The following ELFN2 variants were observed in gnomAD, a reference collection of about 807,000 sequenced individuals.
The protein encoded by ELFN2 is extracellular leucine rich repeat and fibronectin type III domain containing 2, also known as protein phosphatase 1 regulatory subunit 29.
ELFN2 carries 17 observed loss-of-function variants against 45.5 expected under a neutral mutation model. That is an observed-to-expected ratio of 0.37 (90% CI 0.26 to 0.56). The LOEUF (loss-of-function observed/expected upper bound fraction) is 0.56. Ranked by LOEUF, ELFN2 falls within the 20% of genes least tolerant of loss-of-function variation. ELFN2 has a pLI of 0.77. For missense variants in ELFN2, 922 were observed against 1,183.2 expected, an observed-to-expected ratio of 0.78 and a Z score of 3.24; for synonymous variants, 550 against 551.5, an observed-to-expected ratio of 1.00 and a Z score of 0.04.
rs143657160 is a variant in ELFN2 at position 37,400,238 on chromosome 22, C to T, written c.-463+17531G>A. ...CCCCTCGTGTCTACCCCCATCCCAC[C>T]CCACTCCGGTCCAATCAGACTTCAC... is the stretch of plus-strand genomic sequence containing the variant. On this transcript the variant is annotated intron_variant, in intron 2 of 2. Coordinates refer to ENST00000402918, the MANE Select transcript of ELFN2 (RefSeq NM_052906.5). Among the ~76,000 whole-genome samples the T allele has an allele frequency of 4.6e-3, 698 of 152,270 alleles. 2 individuals carry two copies. The highest frequency in any genetic ancestry group is 0.015 in the African/African-American group (615 of 41,550).
At chr22:37,402,441 C>G (rs1453755893) in intron 2 of ELFN2, among the ~76,000 whole-genome samples, 1 of 152,232 alleles carries the variant, frequency 6.6e-6, no homozygotes, top group African/African-American at 2.4e-5. Context: ...CTTGCAGTGA[C>G]CCGGCCCCGG....
intron 1 of ELFN2, among the ~76,000 whole-genome samples, chr22:37,346,874 C>T (rs1300294790): frequency 6.6e-6 from 1 of 152,186 alleles, no homozygotes; most frequent in Non-Finnish European, 1.5e-5. Context: ...CCCCAGTCCC[C>T]TCAGCAGTGC....
chr22:37,417,268 G>T lies in ELFN2; in HGVS notation c.-463+501C>A, dbSNP rs904965624. Among the ~76,000 whole-genome samples the T allele has an allele frequency of 2.0e-5, 3 of 152,204 alleles. No individual in the cohort carries two copies. Among genetic ancestry groups the T allele is most frequent in the East Asian group, 1.9e-4 (1 of 5,204 alleles). ...CCAAAATTCAATGACATAGGATCAG[G>T]CCCCATATCAATTCTGCTGGCGTTT... is the stretch of plus-strand genomic sequence containing the variant. On this transcript the variant is annotated intron_variant, in intron 2 of 2. Transcript: ENST00000402918. This position sits in a 1 kb window ranked among gnomAD's most constrained non-coding sequence, Gnocchi z 4.5.
At chr22:37,367,582 G>GC (rs2145626999), downstream of ELFN2, among the ~76,000 whole-genome samples, 1 of 152,324 alleles carries the variant, frequency 6.6e-6, no homozygotes, top group South Asian at 2.1e-4. Flanking sequence ...GTCTAGTAAT[G>GC]CCCCCACATG....
At chr22:37,413,498 G>A (rs1164191538) in intron 2 of ELFN2, among the ~76,000 whole-genome samples, 1 of 151,432 alleles carries the variant, frequency 6.6e-6, no homozygotes, top group Non-Finnish European at 1.5e-5. Flanking sequence ...GGTGGTCAAG[G>A]CTGCAAGGCT....
Position 37,373,583 on chromosome 22 carries a change from G to C in ELFN2, c.1952C>G (p.Pro651Arg). Residue 651 changes from proline (P) to arginine (R), a missense_variant, in exon 3 of 3, where the codon CCG becomes CGG. By Grantham distance (103) the Pro-to-Arg change is moderately radical. Coordinates refer to ENST00000402918, the MANE Select transcript of ELFN2 (RefSeq NM_052906.5). ...GCCCTTAGCCAGCCCTGTGGCGGCC[G>C]GATGGTCGGGCACGTCCAGGCTAAA... The part of the protein sequence containing the change: ...KVFSLDVPDH[P>R]AATGLAKGDS... 1 of 1,606,818 alleles carries C rather than the reference G, an allele frequency of 6.2e-7. No homozygotes were observed. The highest frequency in any genetic ancestry group is 2.2e-5 in the East Asian group (1 of 44,624).
intron 2 of ELFN2, among the ~76,000 whole-genome samples, chr22:37,397,368 A>T (rs7285729): frequency 1.3e-5 from 2 of 152,080 alleles, no homozygotes; most frequent in Non-Finnish European, 2.9e-5. Flanking sequence ...CCCAGCTGGC[A>T]TCCGTCTCCA....
At chr22:37,416,620 A>G (rs1932762159) in intron 2 of ELFN2, among the ~76,000 whole-genome samples, 2 of 152,094 alleles carry the variant, frequency 1.3e-5, no homozygotes, top group African/African-American at 4.8e-5. Context: ...ACTGGGAGGA[A>G]GCAAGCGCTG....
chr22:37,398,976 G>A (rs780092601), intron 2 of ELFN2, among the ~76,000 whole-genome samples: 10 of 151,950 alleles, frequency 6.6e-5, no homozygotes, highest in Non-Finnish European at 1.3e-4. Context: ...CATCCACCTG[G>A]CCTGTTCCCA....
chr22:37,380,236 G>C (rs1931714030), intron 2 of ELFN2, among the ~76,000 whole-genome samples: 1 of 152,224 alleles, frequency 6.6e-6, no homozygotes, highest in Admixed American at 6.5e-5. Context: ...AGGGTGAACA[G>C]AGCGAGGCCA....
At chr22:37,395,473 G>A (rs1332880344) in intron 2 of ELFN2, among the ~76,000 whole-genome samples, 1 of 152,206 alleles carries the variant, frequency 6.6e-6, no homozygotes, top group Non-Finnish European at 1.5e-5. Context: ...AAGGCACACA[G>A]CTAAGAAGTG....
At chr22:37,418,258 AGAG>A (rs983701799) in intron 1 of ELFN2, among the ~76,000 whole-genome samples, 19 of 151,950 alleles carry the variant, frequency 1.3e-4, no homozygotes, top group African/African-American at 4.6e-4. Context: ...TGGGGCAGGG[AGAG>A]GAGAAGAGAT....
chr22:37,383,746 C>T (rs538542103), intron 2 of ELFN2, among the ~76,000 whole-genome samples: 1 of 152,366 alleles, frequency 6.6e-6, no homozygotes, highest in African/African-American at 2.4e-5. Context: ...TTTGCCTCCC[C>T]TTCACTAAGC....
Position 37,373,604 on chromosome 22 carries a change from C to T in ELFN2, c.1931G>A (p.Ser644Asn). Reference protein sequence around the residue: ...SGSIKSAKVFSLDVPDHPAAT... With the variant: ...SGSIKSAKVFNLDVPDHPAAT... ...GGCCGGATGGTCGGGCACGTCCAGG[C>T]TAAAGACCTTGGCGCTCTTGATGGA... The change falls in exon 3 of 3, where the codon AGC becomes AAC. Residue 644 changes from serine (S) to asparagine (N), a missense_variant. By Grantham distance (46) the Ser-to-Asn change is conservative. Transcript: ENST00000402918. The T allele has an allele frequency of 6.2e-7, 1 of 1,607,146 alleles. No individual in the cohort carries two copies. The highest frequency in any genetic ancestry group is 8.5e-7 in the Non-Finnish European group (1 of 1,177,940).
intron 1 of ELFN2, among the ~76,000 whole-genome samples, chr22:37,423,310 C>G (rs917564318): frequency 2.0e-5 from 3 of 152,184 alleles, no homozygotes; most frequent in Admixed American, 1.3e-4. Flanking sequence ...CAAAGGGCGT[C>G]CGCCACCCCC....
intron 2 of ELFN2, among the ~76,000 whole-genome samples, chr22:37,386,497 C>A (rs1315426093): frequency 6.6e-6 from 1 of 152,200 alleles, no homozygotes; most frequent in African/African-American, 2.4e-5. Flanking sequence ...ACCAGGCGAT[C>A]GCAAGGGGTC....
At chr22:37,398,464 C>T (rs1184925411) in intron 2 of ELFN2, among the ~76,000 whole-genome samples, 1 of 152,060 alleles carries the variant, frequency 6.6e-6, no homozygotes. Context: ...CACCACCCCA[C>T]TCCTGTCCGG....
chr22:37,349,356 G>A (rs1380159833), intron 1 of ELFN2, among the ~76,000 whole-genome samples: 2 of 151,230 alleles, frequency 1.3e-5, no homozygotes, highest in Non-Finnish European at 1.5e-5. Flanking sequence ...CCCAGCCCTG[G>A]GGATCCACGG....
chr22:37,424,420 C>A (rs1014437114), intron 1 of ELFN2, among the ~76,000 whole-genome samples: 4 of 152,182 alleles, frequency 2.6e-5, no homozygotes, highest in South Asian at 2.1e-4. Flanking sequence ...CCTAGACACG[C>A]CCCACTGGAG....
Sources: gnomAD v4.1 joint callset for allele counts (sites outside exome capture counted in the v4.1 genomes callset) on GRCh38, gnomAD v4.1.1 for gene constraint, Gnocchi (gnomAD v3.1) non-coding constraint, MANE v1.5 for transcripts, NCBI Gene and HGNC (gene_info 2026-07-23, HGNC 2026-07-21) for gene names.